The following ANK2 variants were observed in gnomAD, a reference collection of about 807,000 sequenced individuals.
ANK2 encodes the protein ankyrin 2.
In ANK2, 83 loss-of-function variants were observed where a neutral mutation model predicts 360.5. The ratio of observed to expected loss-of-function variants is 0.23; its 90% CI spans 0.19 to 0.28. The LOEUF is 0.28. ANK2 is among the 10% of genes least tolerant of loss of function. The probability of loss-of-function intolerance (pLI) is 1.00; values close to 1 mark genes in which losing one functional copy is unlikely to be tolerated. For synonymous variants in ANK2, 1,740 were observed against 1,759.5 expected, an observed-to-expected ratio of 0.99 and a Z score of 0.28; for missense variants, 4,201 against 4,795.7, an observed-to-expected ratio of 0.88 and a Z score of 3.66.
chr4:112,855,933 C>G (rs1410591369), intron 1 of ANK2, among the ~76,000 whole-genome samples: 1 of 152,114 alleles, frequency 6.6e-6, no homozygotes, highest in African/African-American at 2.4e-5. Context: ...AATTCCATTT[C>G]TGGGACTTAA....
the ANK2 span, among the ~76,000 whole-genome samples, chr4:112,717,519 G>A: frequency 6.6e-6 from 1 of 152,114 alleles, no homozygotes; most frequent in South Asian, 2.1e-4. Flanking sequence ...GCATCGTACT[G>A]TGATATTCCT....
chr4:113,218,314 A>T (rs978066131), intron 4 of ANK2, among the ~76,000 whole-genome samples: 1 of 152,162 alleles, frequency 6.6e-6, no homozygotes, highest in Admixed American at 6.5e-5. Flanking sequence ...AAAAAAATGA[A>T]CCTTTTTCTT....
chr4:112,852,845 C>G (rs1190891252), intron 1 of ANK2, among the ~76,000 whole-genome samples: 1 of 152,142 alleles, frequency 6.6e-6, no homozygotes, highest in Non-Finnish European at 1.5e-5. Flanking sequence ...AGAAATGAAG[C>G]AGGAATTTGG....
chr4:112,950,905 AC>A (rs2094919843), intron 2 of ANK2, among the ~76,000 whole-genome samples: 1 of 150,464 alleles, frequency 6.6e-6, no homozygotes. Flanking sequence ...AAACGGTGAA[AC>A]CCCGTCTCTA....
intron 1 of ANK2, among the ~76,000 whole-genome samples, chr4:113,156,642 C>T (rs2097309537): frequency 6.6e-6 from 1 of 151,948 alleles, no homozygotes; most frequent in African/African-American, 2.4e-5. Flanking sequence ...GGATTACAGG[C>T]ATGAGCCACA....
chr4:113,027,297 T>C (rs142360016), intron 2 of ANK2, among the ~76,000 whole-genome samples: 1 of 152,250 alleles, frequency 6.6e-6, no homozygotes, highest in African/African-American at 2.4e-5. Context: ...ACTCACAGAT[T>C]ACAGAATATA....
chr4:113,181,439 A>C (rs2098411612), intron 2 of ANK2, among the ~76,000 whole-genome samples: 1 of 152,108 alleles, frequency 6.6e-6, no homozygotes, highest in Admixed American at 6.6e-5. Flanking sequence ...TTGTTCATCT[A>C]CTTACTCAAA....
At chr4:113,375,703 C>G (rs1170188946) in intron 45 of ANK2, among the ~76,000 whole-genome samples, 1 of 134,582 alleles carries the variant, frequency 7.4e-6, no homozygotes, top group African/African-American at 2.8e-5. Context: ...CCAGCCTGGG[C>G]AACAGAGCGA....
At chr4:112,901,806 A>G (rs1488312578) in intron 1 of ANK2, among the ~76,000 whole-genome samples, 1 of 151,464 alleles carries the variant, frequency 6.6e-6, no homozygotes, top group Admixed American at 6.6e-5. Flanking sequence ...CAGAGGTTGC[A>G]GTGAGCCAAG....
intron 27 of ANK2, among the ~76,000 whole-genome samples, chr4:113,330,861 C>T (rs1269404057): frequency 6.6e-6 from 1 of 152,136 alleles, no homozygotes; most frequent in Non-Finnish European, 1.5e-5. Context: ...AGTTATGAAA[C>T]AGAATCATTA....
intron 20 of ANK2, among the ~76,000 whole-genome samples, chr4:113,290,503 T>A (rs956641669): frequency 4.6e-5 from 7 of 152,192 alleles, no homozygotes; most frequent in African/African-American, 1.4e-4. Context: ...AATGAAACCC[T>A]GTTATAGCAA....
At chr4:113,068,275 T>C (rs2076315229) in intron 1 of ANK2, among the ~76,000 whole-genome samples, 1 of 152,210 alleles carries the variant, frequency 6.6e-6, no homozygotes, top group Non-Finnish European at 1.5e-5. Context: ...TAGTTTTGTC[T>C]AAACTTGCTG....
intron 1 of ANK2, among the ~76,000 whole-genome samples, chr4:113,052,525 C>A (rs1314929826): frequency 2.0e-5 from 3 of 152,090 alleles, no homozygotes; most frequent in African/African-American, 7.2e-5. Flanking sequence ...AGGGACAGAG[C>A]TAAAGGGTCT....
intron 2 of ANK2, among the ~76,000 whole-genome samples, chr4:113,175,790 CCTT>C (rs1269529669): frequency 2.6e-5 from 4 of 152,178 alleles, no homozygotes; most frequent in African/African-American, 7.2e-5. Flanking sequence ...GGATTTCCCT[CCTT>C]CTTCTTCAGA....
At chr4:112,775,861 G>A in the ANK2 span, among the ~76,000 whole-genome samples, 2 of 152,184 alleles carry the variant, frequency 1.3e-5, no homozygotes, top group African/African-American at 4.8e-5. Flanking sequence ...CTGCATGAAG[G>A]CTGTGGTTTT....
chr4:113,013,436 A>G (rs2055453394), intron 2 of ANK2, among the ~76,000 whole-genome samples: 1 of 152,142 alleles, frequency 6.6e-6, no homozygotes, highest in Non-Finnish European at 1.5e-5. Context: ...TTTATATATT[A>G]TTGGTATTTA....
At chr4:113,063,478 T>C (rs2074375772) in intron 1 of ANK2, among the ~76,000 whole-genome samples, 3 of 152,244 alleles carry the variant, frequency 2.0e-5, no homozygotes, top group African/African-American at 4.8e-5. Flanking sequence ...GAATTGCTTT[T>C]TGCCACAATC....
At chr4:113,005,878 G>A (rs1379354546) in intron 2 of ANK2, among the ~76,000 whole-genome samples, 3 of 151,924 alleles carry the variant, frequency 2.0e-5, no homozygotes, top group Non-Finnish European at 2.9e-5. Context: ...AAAGTGCCTG[G>A]CACCTCCTCC....
rs2095126580 is a variant in ANK2 at position 113,119,015 on chromosome 4, A to G, written c.85-55401A>G. Among the ~76,000 whole-genome samples the G allele has an allele frequency of 2.0e-5, 3 of 152,130 alleles. No individual in the cohort carries two copies. The South Asian group carries it at 6.2e-4, about 32-fold the overall frequency. ...CCTTTCCAAACCTTGATAAAAACAG[A>G]AAAACTGAAAAACTGTACTGTTAAA... is the stretch of plus-strand genomic sequence containing the variant. On this transcript the variant is annotated intron_variant, in intron 1 of 45. Coordinates refer to ENST00000357077, the MANE Select transcript of ANK2 (RefSeq NM_001148.6).
Sources: gnomAD v4.1 joint callset for allele counts (sites outside exome capture counted in the v4.1 genomes callset) on GRCh38, gnomAD v4.1.1 for gene constraint, MANE v1.5 for transcripts, NCBI Gene and HGNC (gene_info 2026-07-23, HGNC 2026-07-21) for gene names.